The following PHF24 variants were observed in gnomAD, a reference collection of about 807,000 sequenced individuals.
The protein encoded by PHF24 is PHD finger protein 24.
In PHF24, 25 loss-of-function variants were observed where a neutral mutation model predicts 42.6. That is an observed-to-expected ratio of 0.59 (90% confidence interval 0.43 to 0.82). The LOEUF is 0.82. PHF24 is among the 40% of genes least tolerant of loss of function. The probability of loss-of-function intolerance (pLI) is 0.00; values close to 1 mark genes in which losing one functional copy is unlikely to be tolerated. For synonymous variants in PHF24, 185 were observed against 204.8 expected, an observed-to-expected ratio of 0.90 and a Z score of 0.83; for missense variants, 470 against 538.1, an observed-to-expected ratio of 0.87 and a Z score of 1.25.
upstream of PHF24, among the ~76,000 whole-genome samples, chr9:34,954,537 T>G (rs539120580): frequency 6.6e-6 from 1 of 152,226 alleles, no homozygotes; most frequent in South Asian, 2.1e-4. Context: ...CTCTTCTACA[T>G]GAGCTCACCA....
the PHF24 span, among the ~76,000 whole-genome samples, chr9:34,841,731 G>A: frequency 1.1e-4 from 16 of 152,204 alleles, no homozygotes; most frequent in East Asian, 1.9e-3. Flanking sequence ...GGTGGCAGCC[G>A]CCTGTAATCC....
At chr9:34,939,099 G>A in the PHF24 span, among the ~76,000 whole-genome samples, 1 of 151,992 alleles carries the variant, frequency 6.6e-6, no homozygotes, top group Non-Finnish European at 1.5e-5. Flanking sequence ...TGACCAACAT[G>A]GAGAAACCGC....
the PHF24 span, chr9:34,922,941 G>A: frequency 9.9e-6 from 14 of 1,412,856 alleles, no homozygotes; most frequent in South Asian, 1.8e-4. Flanking sequence ...TTCCAGCAGT[G>A]GTCTCACCTT....
chr9:34,730,726 C>A, the PHF24 span, among the ~76,000 whole-genome samples: 1 of 152,222 alleles, frequency 6.6e-6, no homozygotes, highest in Non-Finnish European at 1.5e-5. Context: ...TAGTGAGGAT[C>A]ATGGTCATCA....
chr9:34,864,509 G>C, the PHF24 span, among the ~76,000 whole-genome samples: 3 of 148,732 alleles, frequency 2.0e-5, no homozygotes, highest in Non-Finnish European at 4.5e-5. Flanking sequence ...AGTGCTGAAG[G>C]AAAAAAAAAA....
chr9:34,696,548 G>C, the PHF24 span, among the ~76,000 whole-genome samples: 1 of 151,498 alleles, frequency 6.6e-6, no homozygotes, highest in Non-Finnish European at 1.5e-5. Context: ...AAGTCTTAAG[G>C]AATGTTTATT....
the PHF24 span, among the ~76,000 whole-genome samples, chr9:34,807,518 T>C: frequency 6.6e-6 from 1 of 152,222 alleles, no homozygotes; most frequent in South Asian, 2.1e-4. Flanking sequence ...CCAAAGGGTA[T>C]ATTTAACAAT....
At chr9:34,793,096 T>A in the PHF24 span, among the ~76,000 whole-genome samples, 2 of 152,094 alleles carry the variant, frequency 1.3e-5, no homozygotes, top group Admixed American at 6.5e-5. Flanking sequence ...TGAAAAACCA[T>A]AAAGTTTTTA....
the PHF24 span, among the ~76,000 whole-genome samples, chr9:34,673,853 C>T: frequency 6.6e-6 from 1 of 152,102 alleles, no homozygotes; most frequent in Non-Finnish European, 1.5e-5. Context: ...GATCTCCTGA[C>T]CTTGTGATCT....
the PHF24 span, among the ~76,000 whole-genome samples, chr9:34,767,353 C>G: frequency 2.0e-5 from 3 of 152,254 alleles, no homozygotes; most frequent in Non-Finnish European, 2.9e-5. Context: ...GTGGTGGGCT[C>G]CACCCAGTTC....
the PHF24 span, among the ~76,000 whole-genome samples, chr9:34,934,956 C>T: frequency 6.6e-6 from 1 of 152,078 alleles, no homozygotes. Flanking sequence ...CTCTCTGACC[C>T]TTTGTAGCAG....
chr9:34,684,499 G>T, the PHF24 span, among the ~76,000 whole-genome samples: 1 of 152,116 alleles, frequency 6.6e-6, no homozygotes, highest in Non-Finnish European at 1.5e-5. Flanking sequence ...CCTGACAGTG[G>T]TAGGGTTTCC....
chr9:34,892,367 T>TAGC, the PHF24 span, among the ~76,000 whole-genome samples: 14 of 152,322 alleles, frequency 9.2e-5, no homozygotes, highest in South Asian at 2.7e-3. Flanking sequence ...GCCTTAGAGA[T>TAGC]AGCATTCAGA....
the PHF24 span, among the ~76,000 whole-genome samples, chr9:34,829,104 T>C: frequency 6.6e-6 from 1 of 152,072 alleles, no homozygotes; most frequent in Non-Finnish European, 1.5e-5. Context: ...AGTGGTCATA[T>C]TCTGGATGGA....
At chr9:34,764,702 G>A in the PHF24 span, among the ~76,000 whole-genome samples, 1 of 151,992 alleles carries the variant, frequency 6.6e-6, no homozygotes, top group South Asian at 2.1e-4. Flanking sequence ...ATTTCCTTCA[G>A]TTCTGCTCTG....
the PHF24 span, among the ~76,000 whole-genome samples, chr9:34,825,980 C>T: frequency 6.6e-6 from 1 of 152,066 alleles, no homozygotes; most frequent in East Asian, 1.9e-4. Context: ...TTGATACACT[C>T]TGGAAATCCC....
chr9:34,784,080 A>G, the PHF24 span, among the ~76,000 whole-genome samples: 1 of 152,182 alleles, frequency 6.6e-6, no homozygotes. Context: ...GTGCCAGAGT[A>G]GCTTCTGTAG....
At chr9:34,869,740 AG>A in the PHF24 span, among the ~76,000 whole-genome samples, 3 of 152,134 alleles carry the variant, frequency 2.0e-5, no homozygotes, top group African/African-American at 7.2e-5. Context: ...TGGCTGCAAT[AG>A]TACCAAGGAA....
chr9:34,854,639 G>T, the PHF24 span, among the ~76,000 whole-genome samples: 1 of 152,170 alleles, frequency 6.6e-6, no homozygotes, highest in African/African-American at 2.4e-5. Context: ...TAGTATGGGA[G>T]ACTGTTTGTT....
Sources: gnomAD v4.1 joint callset for allele counts (sites outside exome capture counted in the v4.1 genomes callset) on GRCh38, gnomAD v4.1.1 for gene constraint, MANE v1.5 for transcripts, NCBI Gene and HGNC (gene_info 2026-07-23, HGNC 2026-07-21) for gene names.